The following ST3GAL4 variants were observed in gnomAD, a reference collection of about 807,000 sequenced individuals.
The protein encoded by ST3GAL4 is CMP-N-acetylneuraminate-beta-galactosamide-alpha-2,3-sialyltransferase 4.
Under a neutral mutation model 42.6 loss-of-function variants are expected in ST3GAL4, and 24 were observed. The ratio of observed to expected loss-of-function variants is 0.56; its 90% CI spans 0.41 to 0.79. ST3GAL4 has a LOEUF of 0.79. Ranked by LOEUF, ST3GAL4 falls within the 30% of genes least tolerant of loss-of-function variation. ST3GAL4 has a pLI of 0.00. For synonymous variants in ST3GAL4, 135 were observed against 163.2 expected, an observed-to-expected ratio of 0.83 and a Z score of 1.32; for missense variants, 311 against 430.8, an observed-to-expected ratio of 0.72 and a Z score of 2.46.
chr11:126,413,237 C>T (rs1432830305), intron 9 of ST3GAL4, among the ~76,000 whole-genome samples: 1 of 152,176 alleles, frequency 6.6e-6, no homozygotes, highest in East Asian at 1.9e-4. Flanking sequence ...TCCTGAGTTG[C>T]TGGAACTATG....
chr11:126,366,786 A>G lies in ST3GAL4; in HGVS notation c.-61+10944A>G, dbSNP rs1952445221. Among the ~76,000 whole-genome samples, 1 of 152,128 alleles carries G rather than the reference A, an allele frequency of 6.6e-6. No individual in the cohort carries two copies. Among genetic ancestry groups the G allele is most frequent in the Non-Finnish European group, 1.5e-5 (1 of 68,026 alleles). Reference sequence around the variant, plus strand: ...TCTGGTGAGGGGAGGCGGGAGTGCAAGGTCTGCCGAGTGAGGGTTCCTTCC... The same window carrying G: ...TCTGGTGAGGGGAGGCGGGAGTGCAGGGTCTGCCGAGTGAGGGTTCCTTCC... On this transcript the variant is annotated intron_variant, in intron 1 of 10. Transcript: ENST00000444328. This position sits in a 1 kb window ranked among gnomAD's most constrained non-coding sequence, Gnocchi z 4.2.
rs1952726702 is a variant in ST3GAL4 at position 126,373,452 on chromosome 11, C to T, written c.-61+17610C>T. ...TTCCACCTCCTCACACTGGCTTCAG[C>T]TTTCTCACCCTCAGAATGGAATTCA... On this transcript the variant is annotated intron_variant, in intron 1 of 10. Coordinates refer to ENST00000444328, the MANE Select transcript of ST3GAL4 (RefSeq NM_001254757.2). The surrounding 1 kb of genome is among the most constrained non-coding windows in gnomAD (Gnocchi z 5.5). Among the ~76,000 whole-genome samples, 1 of 152,190 alleles carries T rather than the reference C, an allele frequency of 6.6e-6. No individual in the cohort carries two copies. Among genetic ancestry groups the T allele is most frequent in the Admixed American group, 6.5e-5 (1 of 15,280 alleles).
intron 10 of ST3GAL4, 66 bp from the exon 11 acceptor site, chr11:126,413,895 A>C: frequency 6.3e-7 from 1 of 1,582,832 alleles, no homozygotes; most frequent in South Asian, 1.1e-5. Flanking sequence ...AGGGGCAGGG[A>C]GACTTTCCTG....
intron 1 of ST3GAL4, among the ~76,000 whole-genome samples, chr11:126,367,399 G>T (rs1952472087): frequency 6.6e-6 from 1 of 152,184 alleles, no homozygotes; most frequent in Non-Finnish European, 1.5e-5. Context: ...TGGACCAGGA[G>T]AGGTGAGTAT....
intron 10 of ST3GAL4, 105 bp downstream of exon 10, chr11:126,413,753 C>T (rs774674315): frequency 1.8e-5 from 27 of 1,538,896 alleles, no homozygotes; most frequent in African/African-American, 6.8e-5. Flanking sequence ...AGGTGGCTCC[C>T]GCAGTCAGAA....
rs1051993770 is a variant in ST3GAL4 at position 126,393,544 on chromosome 11, G to A, written c.-60-12552G>A. Among the ~76,000 whole-genome samples the A allele has an allele frequency of 2.3e-4, 35 of 152,278 alleles. No individual in the cohort carries two copies. Among genetic ancestry groups the A allele is most frequent in the Non-Finnish European group, 4.6e-4 (31 of 68,028 alleles). On this transcript the variant is annotated intron_variant, in intron 1 of 10. Transcript: ENST00000444328. This position sits in a 1 kb window ranked among gnomAD's most constrained non-coding sequence, Gnocchi z 5.9. Reference sequence around the variant, plus strand: ...CTTTGACTGCACATCAGAGTCAAACGAGTCAGAATAAGCGGGACCCCTCCA... The same window carrying A: ...CTTTGACTGCACATCAGAGTCAAACAAGTCAGAATAAGCGGGACCCCTCCA...
rs1176492464 is a variant in ST3GAL4 at position 126,396,365 on chromosome 11, C to T, written c.-60-9731C>T. On this transcript the variant is annotated intron_variant, in intron 1 of 10. Transcript: ENST00000444328. This position sits in a 1 kb window ranked among gnomAD's most constrained non-coding sequence, Gnocchi z 5.8. ...GCAGCCCGGGAGACCTGGCCTACAG[C>T]GGAGAGAGTCAGTCCATGCCAGTGG... Among the ~76,000 whole-genome samples the T allele has an allele frequency of 2.6e-5, 4 of 151,976 alleles. No homozygotes were observed. Among genetic ancestry groups the T allele is most frequent in the South Asian group, 2.1e-4 (1 of 4,826 alleles).
At chr11:126,372,064 G>C (rs1339335046) in intron 1 of ST3GAL4, among the ~76,000 whole-genome samples, 1 of 152,178 alleles carries the variant, frequency 6.6e-6, no homozygotes, top group Non-Finnish European at 1.5e-5. Flanking sequence ...CAAGCACAAG[G>C]TTCTGTTGAC....
rs1055757125 is a variant in ST3GAL4 at position 126,411,347 on chromosome 11, G to A, written c.771+1936G>A. Among the ~76,000 whole-genome samples the A allele has an allele frequency of 6.6e-6, 1 of 152,054 alleles. No individual in the cohort carries two copies. Among genetic ancestry groups the A allele is most frequent in the Admixed American group, 6.5e-5 (1 of 15,268 alleles). On this transcript the variant is annotated intron_variant, in intron 9 of 10. Coordinates refer to ENST00000444328, the MANE Select transcript of ST3GAL4 (RefSeq NM_001254757.2). This position sits in a 1 kb window ranked among gnomAD's most constrained non-coding sequence, Gnocchi z 6.3. ...TTTTACGAAAATACAAAACACAGGA[G>A]TGCTGGTCTCGAACTCCTGACCTTA...
In ST3GAL4 at chr11:126,399,266, C is replaced by T. The variant is rs534311671; in HGVS notation, c.-60-6830C>T. On this transcript the variant is annotated intron_variant, in intron 1 of 10. Transcript: ENST00000444328. ...TCCTTCCAGTCTCTAAGTTCTGTTT[C>T]GCTTTTCATTATAAATTTCTTTCTT... 8.4e-4 allele frequency among the ~76,000 whole-genome samples: 123 copies of T among 145,898 alleles called. No homozygotes were observed. The Middle Eastern group carries it at 0.011, about 13-fold the overall frequency.
Position 126,397,257 on chromosome 11 carries a change from C to T in ST3GAL4, c.-60-8839C>T, listed in dbSNP as rs1953818918. Among the ~76,000 whole-genome samples the T allele has an allele frequency of 6.6e-6, 1 of 152,082 alleles. No individual in the cohort carries two copies. The highest frequency in any genetic ancestry group is 2.1e-4 in the South Asian group (1 of 4,834). On this transcript the variant is annotated intron_variant, in intron 1 of 10. Coordinates refer to ENST00000444328, the MANE Select transcript of ST3GAL4 (RefSeq NM_001254757.2). This position sits in a 1 kb window ranked among gnomAD's most constrained non-coding sequence, Gnocchi z 5.0. The stretch of plus-strand genomic sequence containing the variant: ...AGAATCTGGAGATACAAAGAAGTTC[C>T]TGACCACAGAGGTCATTTAGGCAAG...
At chr11:126,372,800 T>G (rs1020958761) in intron 1 of ST3GAL4, among the ~76,000 whole-genome samples, 1 of 152,240 alleles carries the variant, frequency 6.6e-6, no homozygotes, top group Non-Finnish European at 1.5e-5. Flanking sequence ...TATTCCATTG[T>G]ACGCATAGAT....
rs1249505847 is a variant in ST3GAL4, at chr11:126,379,172, ATTAG to A, written c.-61+23333_-61+23336del. ...AGTGTGTATGGGAGCAGGTTCTAAT[ATTAG>A]TTGTGATTCTTTCCATTTATCTAGA... On this transcript the variant is annotated intron_variant, in intron 1 of 10. Transcript: ENST00000444328. This position sits in a 1 kb window ranked among gnomAD's most constrained non-coding sequence, Gnocchi z 4.2. Among the ~76,000 whole-genome samples, 5 of 152,190 alleles carry A rather than the reference ATTAG, an allele frequency of 3.3e-5. No homozygotes were observed. Among genetic ancestry groups the A allele is most frequent in the Non-Finnish European group, 7.3e-5 (5 of 68,034 alleles).
In ST3GAL4 at chr11:126,397,612, T is replaced by C. The variant is rs987124330; in HGVS notation, c.-60-8484T>C. On this transcript the variant is annotated intron_variant, in intron 1 of 10. Transcript: ENST00000444328. This position sits in a 1 kb window ranked among gnomAD's most constrained non-coding sequence, Gnocchi z 5.0. ...CGGGATGTGGAGGGTTAGGATGTTATCTTAGTCTGTTTTGTGCTGCCATTA... is the reference window on the plus strand; with the variant it reads ...CGGGATGTGGAGGGTTAGGATGTTACCTTAGTCTGTTTTGTGCTGCCATTA... 4.6e-5 allele frequency among the ~76,000 whole-genome samples: 7 copies of C among 152,158 alleles called. No individual in the cohort carries two copies. Among genetic ancestry groups the C allele is most frequent in the Non-Finnish European group, 1.5e-5 (1 of 68,022 alleles).
At chr11:126,375,747 G>A (rs1297398154) in intron 1 of ST3GAL4, among the ~76,000 whole-genome samples, 12 of 152,276 alleles carry the variant, frequency 7.9e-5, no homozygotes, top group Admixed American at 2.0e-4. Flanking sequence ...GGTGTCTAGT[G>A]GGTAGAGGCC....
rs1373744375 is a variant in ST3GAL4, at chr11:126,383,340, G to A, written c.-60-22756G>A. On this transcript the variant is annotated intron_variant, in intron 1 of 10. Coordinates refer to ENST00000444328, the MANE Select transcript of ST3GAL4 (RefSeq NM_001254757.2). This position sits in a 1 kb window ranked among gnomAD's most constrained non-coding sequence, Gnocchi z 4.5. ...CCCCTTAGAGGCTCTGGGCTGCCTGGTGACAGCTTCGGGGACCTGCAAGCT... is the reference window on the plus strand; with the variant it reads ...CCCCTTAGAGGCTCTGGGCTGCCTGATGACAGCTTCGGGGACCTGCAAGCT... 6.6e-6 allele frequency among the ~76,000 whole-genome samples: 1 copy of A among 152,212 alleles called. No homozygotes were observed. The highest frequency in any genetic ancestry group is 1.5e-5 in the Non-Finnish European group (1 of 68,028).
At position 126,363,386 on chromosome 11, in the gene ST3GAL4, C is replaced by T. The variant is rs932108803; in HGVS notation, c.-61+7544C>T. 1.3e-5 allele frequency among the ~76,000 whole-genome samples: 2 copies of T among 152,106 alleles called. No individual in the cohort carries two copies. The highest frequency in any genetic ancestry group is 2.4e-5 in the African/African-American group (1 of 41,380). On this transcript the variant is annotated intron_variant, in intron 1 of 10. Transcript: ENST00000444328. The surrounding 1 kb of genome is among the most constrained non-coding windows in gnomAD (Gnocchi z 4.6). ...CTCCAGCCTCAGCATTCAGGTTGTC[C>T]TCATAGTGGAACTGGGACTCTGGGG...
Position 126,368,148 on chromosome 11 carries a change from A to C in ST3GAL4, c.-61+12306A>C, listed in dbSNP as rs889759419. Among the ~76,000 whole-genome samples the C allele has an allele frequency of 6.8e-5, 10 of 145,986 alleles. No individual in the cohort carries two copies. The East Asian group carries it at 7.9e-4, about 12-fold the overall frequency. Reference sequence around the variant, plus strand: ...GACCACAGAGTGAGACTGTCTCACAAAAAAAAAAAAAAAGATTATGCACAG... The same window carrying C: ...GACCACAGAGTGAGACTGTCTCACACAAAAAAAAAAAAAGATTATGCACAG... On this transcript the variant is annotated intron_variant, in intron 1 of 10. Transcript: ENST00000444328.
At chr11:126,408,867 A>G (rs1337527321) in intron 8 of ST3GAL4, 1 of 398,962 alleles carries the variant, frequency 2.5e-6, no homozygotes, top group Non-Finnish European at 4.6e-6. Flanking sequence ...GCCTGTGTCC[A>G]AACAGATGGT....
Sources: gnomAD v4.1 joint callset for allele counts (sites outside exome capture counted in the v4.1 genomes callset) on GRCh38, gnomAD v4.1.1 for gene constraint, Gnocchi (gnomAD v3.1) non-coding constraint, MANE v1.5 for transcripts, NCBI Gene and HGNC (gene_info 2026-07-23, HGNC 2026-07-21) for gene names.